Variants in DPP10 observed in about 807,000 individuals in gnomAD.
The protein encoded by DPP10 is dipeptidyl peptidase like 10, also known as inactive dipeptidyl peptidase 10.
In DPP10, 33 loss-of-function variants were observed where a neutral mutation model predicts 120.9. That is an observed-to-expected ratio of 0.27 (90% CI 0.21 to 0.37). DPP10 has a LOEUF of 0.37. Among genes scored for constraint, DPP10 ranks in the 10% least tolerant of loss-of-function variants. DPP10 has a pLI of 1.00. For missense variants in DPP10, 816 were observed against 942.8 expected, an observed-to-expected ratio of 0.87 and a Z score of 1.76; for synonymous variants, 337 against 326.1, an observed-to-expected ratio of 1.03 and a Z score of -0.36.
intron 1 of DPP10, among the ~76,000 whole-genome samples, chr2:115,115,779 T>C (rs796099881): frequency 4.6e-5 from 7 of 152,266 alleles, no homozygotes; most frequent in African/African-American, 1.7e-4. Context: ...AAATTAGTAA[T>C]ATAAAAAGAA....
intron 1 of DPP10, among the ~76,000 whole-genome samples, chr2:115,267,064 A>G (rs1265357557): frequency 6.6e-6 from 1 of 152,162 alleles, no homozygotes; most frequent in Non-Finnish European, 1.5e-5. Context: ...TCACCATCTA[A>G]AAACACCTTA....
At chr2:115,544,454 A>T (rs7563882) in intron 5 of DPP10, among the ~76,000 whole-genome samples, 5 of 151,882 alleles carry the variant, frequency 3.3e-5, no homozygotes, top group Non-Finnish European at 5.9e-5. Context: ...TAAGTGAGAG[A>T]GTGTAATCTC....
intron 1 of DPP10, among the ~76,000 whole-genome samples, chr2:114,549,895 G>A (rs1034404654): frequency 1.3e-5 from 2 of 152,060 alleles, no homozygotes; most frequent in African/African-American, 2.4e-5. Context: ...CAGACAGCCT[G>A]TGAGGTGAAT....
intron 3 of DPP10, among the ~76,000 whole-genome samples, chr2:115,387,169 A>G (rs1347612891): frequency 6.6e-6 from 1 of 151,928 alleles, no homozygotes; most frequent in Non-Finnish European, 1.5e-5. Context: ...GGGGAGGCTG[A>G]CCCCTTCACC....
intron 1 of DPP10, among the ~76,000 whole-genome samples, chr2:114,590,464 T>C (rs1573735709): frequency 6.6e-6 from 1 of 152,216 alleles, no homozygotes; most frequent in African/African-American, 2.4e-5. Context: ...ATTTTTTGTG[T>C]TATTCACAAT....
chr2:115,388,624 A>G (rs1157995359), intron 3 of DPP10, among the ~76,000 whole-genome samples: 1 of 152,146 alleles, frequency 6.6e-6, no homozygotes, highest in African/African-American at 2.4e-5. Context: ...TTGTGAGTGA[A>G]CTTGTATCAC....
At position 114,905,695 on chromosome 2, in the gene DPP10, A is replaced by G. The variant is rs180684035; in HGVS notation, c.61-403544A>G. On this transcript the variant is annotated intron_variant, in intron 1 of 25. Coordinates refer to ENST00000410059, the MANE Select transcript of DPP10 (RefSeq NM_020868.6). ...AATCCCATTACTGGGTAGGTACCCAAAGGAATATAAATCATTCTATTTTTT... is the reference window on the plus strand; with the variant it reads ...AATCCCATTACTGGGTAGGTACCCAGAGGAATATAAATCATTCTATTTTTT... Among the ~76,000 whole-genome samples, 25 of 152,256 alleles carry G rather than the reference A, an allele frequency of 1.6e-4. No homozygotes were observed. The East Asian group carries it at 3.3e-3, about 20-fold the overall frequency.
intron 1 of DPP10, among the ~76,000 whole-genome samples, chr2:114,905,073 A>G (rs1407313770): frequency 1.3e-5 from 2 of 152,120 alleles, no homozygotes; most frequent in Non-Finnish European, 2.9e-5. Context: ...TTTACTGTTT[A>G]TTGCTGGAAT....
intron 1 of DPP10, among the ~76,000 whole-genome samples, chr2:114,750,733 TGCTG>T (rs965844964): frequency 2.0e-5 from 3 of 151,234 alleles, no homozygotes; most frequent in Admixed American, 6.6e-5. Context: ...AATTAGTCCA[TGCTG>T]GCTGGCTGGC....
intron 3 of DPP10, among the ~76,000 whole-genome samples, chr2:115,378,794 C>T (rs375056419): frequency 1.3e-5 from 2 of 152,188 alleles, no homozygotes; most frequent in African/African-American, 2.4e-5. Context: ...GCCTTTTCTG[C>T]ATCTATTGAG....
intron 1 of DPP10, among the ~76,000 whole-genome samples, chr2:115,210,789 A>C (rs1013701500): frequency 3.2e-4 from 49 of 151,948 alleles, no homozygotes; most frequent in Non-Finnish European, 7.1e-4. Context: ...GCATTTTTTC[A>C]TGTGTCTGTT....
At chr2:114,509,442 C>G (rs1365885667) in intron 1 of DPP10, among the ~76,000 whole-genome samples, 1 of 152,080 alleles carries the variant, frequency 6.6e-6, no homozygotes, top group Non-Finnish European at 1.5e-5. Flanking sequence ...TTCAGTTAGT[C>G]GAGAAATTAA....
intron 1 of DPP10, among the ~76,000 whole-genome samples, chr2:115,202,267 G>A (rs895838195): frequency 1.3e-5 from 2 of 152,056 alleles, no homozygotes; most frequent in Admixed American, 1.3e-4. Context: ...AGCAATAAAG[G>A]CTACTGAATT....
rs35526958 is a variant in DPP10, at chr2:115,674,242, GTAAATAAA to G, written c.442-15424_442-15417del. On this transcript the variant is annotated intron_variant, in intron 5 of 25. Transcript: ENST00000410059. ...CTCCATCTCACAAAAAAATAAATGA[GTAAATAAA>G]TAAATAAATAAATAAATAAAGGAGG... Among the ~76,000 whole-genome samples, 237 of 149,006 alleles carry G rather than the reference GTAAATAAA, an allele frequency of 1.6e-3. 1 individual carries two copies. Among genetic ancestry groups the G allele is most frequent in the African/African-American group, 4.6e-3 (186 of 40,588 alleles).
intron 1 of DPP10, among the ~76,000 whole-genome samples, chr2:114,839,616 C>A (rs1399883139): frequency 5.9e-5 from 9 of 152,156 alleles, no homozygotes; most frequent in African/African-American, 2.2e-4. Flanking sequence ...AAGTGTTATA[C>A]ATATTCTTTG....
chr2:114,592,053 T>C (rs1213120236), intron 1 of DPP10, among the ~76,000 whole-genome samples: 1 of 152,166 alleles, frequency 6.6e-6, no homozygotes, highest in East Asian at 1.9e-4. Flanking sequence ...AGAGAGTCGA[T>C]GGAAAATTTA....
intron 5 of DPP10, among the ~76,000 whole-genome samples, chr2:115,543,915 G>A (rs2079333924): frequency 6.6e-6 from 1 of 151,842 alleles, no homozygotes; most frequent in African/African-American, 2.4e-5. Context: ...ATGCTGCGGT[G>A]TAAATTTCAT....
chr2:115,425,914 G>A (rs1455974770), intron 3 of DPP10, among the ~76,000 whole-genome samples: 1 of 152,160 alleles, frequency 6.6e-6, no homozygotes, highest in Admixed American at 6.5e-5. Context: ...AAGGAAGAAA[G>A]GGGAAGGCGC....
chr2:115,572,262 T>A (rs959791801), intron 5 of DPP10, among the ~76,000 whole-genome samples: 4 of 152,042 alleles, frequency 2.6e-5, no homozygotes, highest in Non-Finnish European at 5.9e-5. Flanking sequence ...AGGTGCAAGA[T>A]ATTATGTGCC....
Sources: allele counts gnomAD v4.1 joint callset (sites outside exome capture counted in the v4.1 genomes callset), GRCh38; gene constraint gnomAD v4.1.1; transcripts MANE v1.5; gene names NCBI Gene and HGNC (gene_info 2026-07-23, HGNC 2026-07-21).